FBXL17: variants seen among roughly 807,000 people sequenced by gnomAD.
The protein encoded by FBXL17 is F-box/LRR-repeat protein 17.
In FBXL17, 22 loss-of-function variants were observed where a neutral mutation model predicts 66.2. The observed-to-expected ratio is 0.33, with a 90% CI of 0.24 to 0.47. The LOEUF (loss-of-function observed/expected upper bound fraction) is 0.47. Among genes scored for constraint, FBXL17 ranks in the 20% least tolerant of loss-of-function variants. FBXL17 has a pLI of 1.00. For synonymous variants in FBXL17, 474 were observed against 400.5 expected (o/e 1.18, Z -2.19); for missense variants, 878 against 948.2 (o/e 0.93, Z 0.97).
intron 7 of FBXL17, among the ~76,000 whole-genome samples, chr5:108,020,613 T>G (rs892419852): frequency 1.3e-5 from 2 of 151,836 alleles, no homozygotes; most frequent in African/African-American, 2.4e-5. Context: ...GCTCAACATT[T>G]TATTGTTAAA....
At chr5:107,988,232 C>A (rs1221271485) in intron 7 of FBXL17, among the ~76,000 whole-genome samples, 1 of 151,936 alleles carries the variant, frequency 6.6e-6, no homozygotes, top group African/African-American at 2.4e-5. Context: ...AGTCTGAAAC[C>A]AAGTAATTCT....
At chr5:107,890,187 T>C (rs532999424) in intron 7 of FBXL17, among the ~76,000 whole-genome samples, 5 of 152,288 alleles carry the variant, frequency 3.3e-5, no homozygotes, top group African/African-American at 1.2e-4. Flanking sequence ...TGACATTACA[T>C]TAGATTTCCT....
intron 4 of FBXL17, among the ~76,000 whole-genome samples, chr5:108,322,295 C>G (rs7703032): frequency 0.12 from 18,425 of 151,892 alleles, 1,365 homozygotes; most frequent in Admixed American, 0.16. Flanking sequence ...GTCTAGCAAT[C>G]AACTGGCTAC....
chr5:107,898,184 C>T (rs537149309), intron 7 of FBXL17, among the ~76,000 whole-genome samples: 2 of 152,170 alleles, frequency 1.3e-5, no homozygotes, highest in African/African-American at 2.4e-5. Flanking sequence ...GACTTGGACC[C>T]TTCTATGAAG....
At chr5:108,194,702 ACT>A (rs1753608768) in intron 5 of FBXL17, among the ~76,000 whole-genome samples, 1 of 151,970 alleles carries the variant, frequency 6.6e-6, no homozygotes, top group Admixed American at 6.6e-5. Flanking sequence ...AGTTGTGGTG[ACT>A]CTTGATTCAT....
intron 5 of FBXL17, among the ~76,000 whole-genome samples, chr5:108,216,908 A>G (rs1231060972): frequency 6.6e-6 from 1 of 152,204 alleles, no homozygotes; most frequent in Admixed American, 6.5e-5. Flanking sequence ...TAAGGGAACA[A>G]GGCCAGGCAC....
At chr5:107,987,181 C>G (rs1173151146) in intron 7 of FBXL17, among the ~76,000 whole-genome samples, 1 of 151,908 alleles carries the variant, frequency 6.6e-6, no homozygotes, top group Non-Finnish European at 1.5e-5. Flanking sequence ...CTTTTCTGTA[C>G]AGTCCTTTGA....
chr5:108,077,701 T>C (rs569304029), intron 6 of FBXL17, among the ~76,000 whole-genome samples: 7 of 152,068 alleles, frequency 4.6e-5, no homozygotes, highest in African/African-American at 1.7e-4. Context: ...AATGATAGTA[T>C]ACCCATTTTT....
At chr5:108,367,642 T>C (rs1195411850) in intron 2 of FBXL17, among the ~76,000 whole-genome samples, 189 bp downstream of exon 2, 5 of 152,244 alleles carry the variant, frequency 3.3e-5, no homozygotes, top group African/African-American at 9.6e-5. Context: ...TGAAAAACTA[T>C]CTTGTTTACT....
intron 5 of FBXL17, among the ~76,000 whole-genome samples, chr5:108,215,054 A>G (rs1240717103): frequency 6.6e-6 from 1 of 152,196 alleles, no homozygotes; most frequent in Non-Finnish European, 1.5e-5. Context: ...ATTCTTTTTC[A>G]TGGCTGAATA....
chr5:108,143,391 C>T (rs191176359), intron 6 of FBXL17, among the ~76,000 whole-genome samples: 76 of 150,050 alleles, frequency 5.1e-4, no homozygotes, highest in African/African-American at 1.7e-3. Context: ...AAATAACATG[C>T]TATTAATGTA....
chr5:108,328,749 T>A (rs918381404), intron 4 of FBXL17, among the ~76,000 whole-genome samples: 17 of 152,072 alleles, frequency 1.1e-4, no homozygotes, highest in African/African-American at 3.6e-4. Context: ...TTCTTATATA[T>A]CTCAATATAT....
At position 108,381,008 on chromosome 5, in the gene FBXL17, G is replaced by GCCA. The variant is rs895800693; in HGVS notation, c.681_683dup (p.Gly231dup). 3.8e-5 allele frequency: 45 copies of GCCA among 1,187,468 alleles called. No homozygotes were observed. In the African/African-American group the frequency reaches 6.6e-4, roughly 17 times the overall value. The allele number at this position is 1,187,468 out of a possible 1,614,324, so 73.6% of individuals were successfully genotyped here. On this transcript the variant is annotated inframe_insertion, in exon 1 of 9. Coordinates refer to ENST00000542267, the MANE Select transcript of FBXL17 (RefSeq NM_001163315.3). Reference sequence around the variant, plus strand: ...CGCCTCCCCCCGCAGGCCCTCCCCCGCCACCGCCGCCGCCGCCGCCGCCGC... The same window carrying GCCA: ...CGCCTCCCCCCGCAGGCCCTCCCCCGCCACCACCGCCGCCGCCGCCGCCGCCGC...
intron 6 of FBXL17, among the ~76,000 whole-genome samples, chr5:108,087,677 C>T (rs1277261737): frequency 3.3e-5 from 5 of 152,010 alleles, no homozygotes; most frequent in African/African-American, 1.2e-4. Context: ...TATTATAACA[C>T]ACTTTCACAT....
chr5:107,980,204 C>T (rs73780466), intron 7 of FBXL17, among the ~76,000 whole-genome samples: 3,746 of 151,960 alleles, frequency 0.025, 152 homozygotes, highest in African/African-American at 0.085. Context: ...AGTAAAGTGG[C>T]AAGGCACCTA....
rs1485769119 is a variant in FBXL17 at position 108,021,404 on chromosome 5, T to G, written c.1746-403A>C. ...ATGCTCATGGTTCAATTATTAATGA[T>G]GGAATTAGGTAGCACTGAAATAGTA... On this transcript the variant is annotated intron_variant, in intron 6 of 8. Transcript: ENST00000542267. Among the ~76,000 whole-genome samples, 15 of 150,714 alleles carry G rather than the reference T, an allele frequency of 1.0e-4. No individual in the cohort carries two copies. In the East Asian group the frequency reaches 2.9e-3, roughly 29 times the overall value.
intron 5 of FBXL17, among the ~76,000 whole-genome samples, chr5:108,189,321 TGGG>T (rs1753370661): frequency 8.1e-6 from 1 of 123,652 alleles, no homozygotes; most frequent in South Asian, 2.8e-4. Flanking sequence ...TGGGATGGGA[TGGG>T]ATGGGATGGG....
intron 2 of FBXL17, 144 bp downstream of exon 2, chr5:108,367,687 C>CA (rs1301154162): frequency 1.3e-5 from 8 of 623,504 alleles, no homozygotes; most frequent in Non-Finnish European, 2.0e-5. Context: ...ATCACATACA[C>CA]AAAAAACTAC....
At chr5:107,958,239 G>A (rs551570705) in intron 7 of FBXL17, among the ~76,000 whole-genome samples, 2 of 151,488 alleles carry the variant, frequency 1.3e-5, no homozygotes, top group East Asian at 1.9e-4. Flanking sequence ...TTTAGAGCAC[G>A]TGAAGATATA....
Sources: gnomAD v4.1 joint callset for allele counts (sites outside exome capture counted in the v4.1 genomes callset) on GRCh38, gnomAD v4.1.1 for gene constraint, MANE v1.5 for transcripts, NCBI Gene and HGNC (gene_info 2026-07-23, HGNC 2026-07-21) for gene names.